SSH2: variants seen among roughly 807,000 people sequenced by gnomAD.
SSH2 encodes the protein slingshot protein phosphatase 2, also known as protein phosphatase Slingshot homolog 2.
A neutral mutation model predicts 135.2 loss-of-function variants in SSH2; 37 were observed. The ratio of observed to expected loss-of-function variants is 0.27; its 90% CI spans 0.21 to 0.36. The LOEUF is 0.36. Ranked by LOEUF, SSH2 falls within the 10% of genes least tolerant of loss-of-function variation. The pLI, the probability that SSH2 is intolerant of heterozygous loss-of-function variation, is 1.00. For synonymous variants in SSH2, 628 were observed against 646.2 expected, an observed-to-expected ratio of 0.97 and a Z score of 0.43; for missense variants, 1,408 against 1,765.3, an observed-to-expected ratio of 0.80 and a Z score of 3.63.
At chr17:29,718,658 G>A (rs1010042921) in intron 3 of SSH2, among the ~76,000 whole-genome samples, 4 of 150,794 alleles carry the variant, frequency 2.7e-5, no homozygotes, top group Admixed American at 6.6e-5. Flanking sequence ...GCATGAACCC[G>A]GGAGGCGGAG....
chr17:29,906,007 G>A (rs940491571), intron 1 of SSH2, among the ~76,000 whole-genome samples: 2 of 152,080 alleles, frequency 1.3e-5, no homozygotes, highest in African/African-American at 2.4e-5. Flanking sequence ...CTGAACACTC[G>A]ATGGATGACC....
chr17:29,820,432 T>C (rs768019186), intron 2 of SSH2, among the ~76,000 whole-genome samples: 10 of 152,230 alleles, frequency 6.6e-5, no homozygotes, highest in Non-Finnish European at 1.5e-4. Context: ...CCAGGCACTG[T>C]GCTAGCTGCT....
rs1189312846 is a variant in SSH2 at position 29,627,485 on chromosome 17, AG to A, written c.*3355del. On this transcript the variant is annotated 3_prime_UTR_variant, in exon 16 of 16. Coordinates refer to ENST00000540801, the MANE Select transcript of SSH2 (RefSeq NM_001282129.2). Reference sequence around the variant, plus strand: ...CAGAGCCTGAGGCACTGAGATCTTCAGGCTGTCCTTGGAGCTCTGGGTAGTT... The same window carrying A: ...CAGAGCCTGAGGCACTGAGATCTTCAGCTGTCCTTGGAGCTCTGGGTAGTT... 3 of 152,408 alleles carry A rather than the reference AG, an allele frequency of 2.0e-5. No homozygotes were observed. Among genetic ancestry groups the A allele is most frequent in the Admixed American group, 2.0e-4 (3 of 15,276 alleles). The allele number at this position is 152,408 out of a possible 1,614,324, so 9.4% of individuals were successfully genotyped here.
At chr17:29,894,442 T>C (rs113031514) in intron 1 of SSH2, among the ~76,000 whole-genome samples, 9,511 of 152,136 alleles carry the variant, frequency 0.063, 561 homozygotes, top group African/African-American at 0.16. Context: ...TAACATGGCA[T>C]AGTATTTGCA....
At chr17:29,808,609 C>T (rs1269943684) in intron 2 of SSH2, among the ~76,000 whole-genome samples, 3 of 152,214 alleles carry the variant, frequency 2.0e-5, no homozygotes, top group Non-Finnish European at 4.4e-5. Context: ...CTAACCACCA[C>T]CCAAGTTGAT....
chr17:29,810,722 T>G (rs1567988039), intron 2 of SSH2, among the ~76,000 whole-genome samples: 1 of 152,258 alleles, frequency 6.6e-6, no homozygotes, highest in East Asian at 1.9e-4. Context: ...TATTAGCTTA[T>G]AATTGTTTTC....
intron 1 of SSH2, among the ~76,000 whole-genome samples, chr17:29,901,243 C>T (rs1435829370): frequency 2.6e-5 from 4 of 151,846 alleles, no homozygotes; most frequent in Admixed American, 1.3e-4. Context: ...CAAACCTGCA[C>T]GTTGTGCACC....
intron 1 of SSH2, among the ~76,000 whole-genome samples, chr17:29,877,130 G>A (rs370569489): frequency 6.6e-6 from 1 of 152,014 alleles, no homozygotes. Context: ...GGTACTCAAC[G>A]TCACTGATTA....
At chr17:29,756,095 G>C (rs1218642109) in intron 3 of SSH2, among the ~76,000 whole-genome samples, 1 of 151,002 alleles carries the variant, frequency 6.6e-6, no homozygotes, top group Non-Finnish European at 1.5e-5. Context: ...GGGAAACCCC[G>C]TCTCTACTAA....
chr17:29,856,514 G>A (rs1043072084), intron 1 of SSH2, among the ~76,000 whole-genome samples: 3 of 152,174 alleles, frequency 2.0e-5, no homozygotes, highest in Non-Finnish European at 4.4e-5. Context: ...GGTTGAGGCT[G>A]CAGTGAGCCG....
rs145810496 is a variant in SSH2, at chr17:29,632,426, C to T, written c.2768G>A (p.Arg923His). The change falls in exon 16 of 16, where the codon CGT (arginine) becomes CAT (histidine). Residue 923 changes from arginine (R) to histidine (H), a missense_variant. Physicochemically the swap from Arg to His is conservative, Grantham distance 29 (BLOSUM62 0). Coordinates refer to ENST00000540801, the MANE Select transcript of SSH2 (RefSeq NM_001282129.2). ...AGAAGAATCATTCTTTGAATTCTTACGAGTGGACAATGAGGTACATGTTGG... is the reference window on the plus strand; with the variant it reads ...AGAAGAATCATTCTTTGAATTCTTATGAGTGGACAATGAGGTACATGTTGG... Reference protein sequence around the residue: ...AAPTCTSLSTRKNSKNDSSVA... With the variant: ...AAPTCTSLSTHKNSKNDSSVA... 9.3e-4 allele frequency: 1,505 copies of T among 1,614,190 alleles called. 4 individuals are homozygous for T. The highest frequency in any genetic ancestry group is 1.2e-3 in the Admixed American group (74 of 60,026).
At chr17:29,745,323 C>T (rs1033569977) in intron 3 of SSH2, among the ~76,000 whole-genome samples, 1 of 152,114 alleles carries the variant, frequency 6.6e-6, no homozygotes, top group African/African-American at 2.4e-5. Flanking sequence ...CCACACCCGG[C>T]TAATTTTTGT....
chr17:29,896,987 T>A (rs1599158677), intron 1 of SSH2, among the ~76,000 whole-genome samples: 1 of 151,954 alleles, frequency 6.6e-6, no homozygotes, highest in Non-Finnish European at 1.5e-5. Context: ...AAAATACTAC[T>A]GTAATGCTAT....
Position 29,692,272 on chromosome 17 carries a change from C to T in SSH2, c.357+3187G>A, listed in dbSNP as rs11869398. Among the ~76,000 whole-genome samples, 333 of 152,158 alleles carry T rather than the reference C, an allele frequency of 2.2e-3. 1 individual carries two copies. The highest frequency in any genetic ancestry group is 7.9e-3 in the African/African-American group (328 of 41,516). On this transcript the variant is annotated intron_variant, in intron 5 of 15. Transcript: ENST00000540801. ...ATTTAACTCAAAACAAAAGCCTTTG[C>T]TTTGAGTCTACAAATGCTCCTTTCA...
intron 14 of SSH2, among the ~76,000 whole-genome samples, chr17:29,646,585 C>T (rs1243523952): frequency 3.3e-5 from 5 of 152,058 alleles, no homozygotes; most frequent in Admixed American, 1.3e-4. Flanking sequence ...CTGCAACCTC[C>T]GTCTCCCGGG....
intron 3 of SSH2, among the ~76,000 whole-genome samples, chr17:29,770,097 T>TTTG (rs747634924): frequency 0.15 from 17,985 of 117,374 alleles, 2,119 homozygotes; most frequent in Non-Finnish European, 0.22. Flanking sequence ...ATTTAGTTTT[T>TTTG]TTTTTTTTTT....
chr17:29,800,218 G>C (rs986028839), intron 2 of SSH2, among the ~76,000 whole-genome samples: 2 of 149,846 alleles, frequency 1.3e-5, no homozygotes, highest in Admixed American at 6.6e-5. Context: ...AAACTTGAGG[G>C]AAAAAAAAAC....
chr17:29,891,252 AAC>A (rs770968456), intron 1 of SSH2, among the ~76,000 whole-genome samples: 2 of 152,214 alleles, frequency 1.3e-5, no homozygotes, highest in Non-Finnish European at 2.9e-5. Context: ...CCTGTTAAAA[AAC>A]ACACAGTCCT....
chr17:29,762,006 G>A (rs922114991), intron 3 of SSH2, among the ~76,000 whole-genome samples: 3 of 151,654 alleles, frequency 2.0e-5, no homozygotes, highest in Non-Finnish European at 2.9e-5. Flanking sequence ...TCAGCCTCCC[G>A]AGTAGCTGGC....
Sources: allele counts gnomAD v4.1 joint callset (sites outside exome capture counted in the v4.1 genomes callset), GRCh38; gene constraint gnomAD v4.1.1; transcripts MANE v1.5; gene names NCBI Gene and HGNC (gene_info 2026-07-23, HGNC 2026-07-21).